G3BP2: variants seen among roughly 807,000 people sequenced by gnomAD.
G3BP2 encodes G3BP stress granule assembly factor 2.
G3BP2 carries 11 observed loss-of-function variants against 56.7 expected under a neutral mutation model. The ratio of observed to expected loss-of-function variants is 0.19; its 90% CI spans 0.12 to 0.32. G3BP2 has a LOEUF of 0.32. Among genes scored for constraint, G3BP2 ranks in the 10% least tolerant of loss-of-function variants. The pLI, the probability that G3BP2 is intolerant of heterozygous loss-of-function variation, is 1.00. For synonymous variants in G3BP2, 165 were observed against 191.6 expected (o/e 0.86, Z 1.15); for missense variants, 340 against 610.9 (o/e 0.56, Z 4.67).
At chr4:75,708,105 C>T (rs1267661257) in intron 3 of G3BP2, among the ~76,000 whole-genome samples, 1 of 152,252 alleles carries the variant, frequency 6.6e-6, no homozygotes, top group South Asian at 2.1e-4. Flanking sequence ...GGGAAGTACC[C>T]TTTTCAATTT....
intron 3 of G3BP2, among the ~76,000 whole-genome samples, chr4:75,688,527 C>G (rs566590363): frequency 6.6e-6 from 1 of 152,312 alleles, no homozygotes; most frequent in East Asian, 1.9e-4. Flanking sequence ...AATCTCATAA[C>G]CCAGTCACTC....
intron 1 of G3BP2, among the ~76,000 whole-genome samples, chr4:75,669,321 T>C (rs1169085552): frequency 6.6e-6 from 1 of 152,234 alleles, no homozygotes; most frequent in South Asian, 2.1e-4. Flanking sequence ...AAAAGTGTCA[T>C]AATCTTCTCA....
upstream of G3BP2, among the ~76,000 whole-genome samples, chr4:75,675,659 G>A (rs1733848762): frequency 6.6e-6 from 1 of 152,200 alleles, no homozygotes; most frequent in Non-Finnish European, 1.5e-5. Context: ...GGGCGTGGTG[G>A]CGCATGCCTG....
At chr4:75,704,974 T>C (rs1440408214) in intron 3 of G3BP2, among the ~76,000 whole-genome samples, 2 of 152,212 alleles carry the variant, frequency 1.3e-5, no homozygotes, top group African/African-American at 4.8e-5. Flanking sequence ...TTTAAGCCTG[T>C]TCAACCCACA....
chr4:75,657,877 C>A (rs1483105322), intron 3 of G3BP2, 147 bp from the exon 4 acceptor site: 10 of 561,470 alleles, frequency 1.8e-5, no homozygotes, highest in Middle Eastern at 4.7e-4. Flanking sequence ...CTGTGCATCA[C>A]TGCCAGAATG....
rs756532238 is a variant in G3BP2, at chr4:75,657,530, GA to G, written c.351+26del. The G allele has an allele frequency of 2.7e-5, 42 of 1,556,630 alleles. No homozygotes were observed. The East Asian group carries it at 9.2e-4, about 34-fold the overall frequency. On this transcript the variant is annotated intron_variant, in intron 4 of 11. Transcript: ENST00000359707. ...TCAACCAACTAGCAACCATATAAAT[GA>G]AAACTAAGTGAATTGAGAAACTTAC... is the stretch of plus-strand genomic sequence containing the variant.
At chr4:75,663,278 A>G (rs1014249850) in intron 1 of G3BP2, among the ~76,000 whole-genome samples, 7 of 152,134 alleles carry the variant, frequency 4.6e-5, no homozygotes, top group Non-Finnish European at 1.0e-4. Flanking sequence ...GTCTTCTGAG[A>G]CAGGGTCTCG....
chr4:75,672,166 TTTG>T (rs1295847629), intron 1 of G3BP2, among the ~76,000 whole-genome samples: 1 of 152,174 alleles, frequency 6.6e-6, no homozygotes, highest in Non-Finnish European at 1.5e-5. Flanking sequence ...GTGCCTTTTT[TTTG>T]TTGTTGTTAT....
At chr4:75,684,139 CT>C (rs1198043259) in intron 3 of G3BP2, among the ~76,000 whole-genome samples, 1 of 152,190 alleles carries the variant, frequency 6.6e-6, no homozygotes, top group Non-Finnish European at 1.5e-5. Context: ...GGTGCGGTGG[CT>C]CATGCCTGTA....
chr4:75,648,580 TCAGTCTTTTACAGC>T (rs1157369356), intron 9 of G3BP2, 45 bp downstream of exon 9: 1 of 881,386 alleles, frequency 1.1e-6, no homozygotes. Flanking sequence ...TTGTTTAAGT[TCAGTCTTTTACAGC>T]CTTACAAATG....
intron 3 of G3BP2, among the ~76,000 whole-genome samples, chr4:75,696,288 G>C (rs1266005625): frequency 1.3e-5 from 2 of 152,190 alleles, no homozygotes; most frequent in African/African-American, 2.4e-5. Flanking sequence ...TGTTTGGGCT[G>C]TGCAGTTGCT....
At chr4:75,693,265 A>G (rs1718947582) in intron 3 of G3BP2, among the ~76,000 whole-genome samples, 1 of 152,052 alleles carries the variant, frequency 6.6e-6, no homozygotes, top group Non-Finnish European at 1.5e-5. Flanking sequence ...ATAAAATAAA[A>G]CTGAGAAATT....
At chr4:75,689,596 G>A (rs1257517362) in intron 3 of G3BP2, among the ~76,000 whole-genome samples, 1 of 152,194 alleles carries the variant, frequency 6.6e-6, no homozygotes, top group Non-Finnish European at 1.5e-5. Flanking sequence ...ACTACCATTT[G>A]TTTTCAATGA....
chr4:75,699,423 A>T (rs980769264), intron 3 of G3BP2, among the ~76,000 whole-genome samples: 3 of 152,178 alleles, frequency 2.0e-5, no homozygotes, highest in Non-Finnish European at 4.4e-5. Flanking sequence ...CATTGTACAG[A>T]AGAAGAGCAG....
At chr4:75,719,616 G>C (rs527735878) in intron 3 of G3BP2, among the ~76,000 whole-genome samples, 5 of 152,074 alleles carry the variant, frequency 3.3e-5, no homozygotes, top group Admixed American at 6.6e-5. Flanking sequence ...TTGAGACGGA[G>C]TTTCGCTCTT....
chr4:75,649,010 A>T, intron 8 of G3BP2: 1 of 257,426 alleles, frequency 3.9e-6, no homozygotes, highest in Non-Finnish European at 7.4e-6. Context: ...TTAAAGTTAT[A>T]TCAACACTGA....
At chr4:75,661,731 T>C (rs1732580829) in intron 2 of G3BP2, 200 bp downstream of exon 2, 6 of 505,268 alleles carry the variant, frequency 1.2e-5, no homozygotes, top group Non-Finnish European at 1.8e-5. Context: ...TGTACCAGAA[T>C]ATGACATAAA....
intron 1 of G3BP2, among the ~76,000 whole-genome samples, chr4:75,665,220 C>T (rs1228841208): frequency 6.6e-6 from 1 of 152,122 alleles, no homozygotes; most frequent in Non-Finnish European, 1.5e-5. Flanking sequence ...TCTTCCTTTC[C>T]AACAAACTAT....
At chr4:75,695,398 G>C (rs1341758596) in intron 3 of G3BP2, among the ~76,000 whole-genome samples, 2 of 152,222 alleles carry the variant, frequency 1.3e-5, no homozygotes, top group African/African-American at 4.8e-5. Flanking sequence ...AGGTACAGGT[G>C]TCTAGGGTCT....
Sources: gnomAD v4.1 joint callset for allele counts (sites outside exome capture counted in the v4.1 genomes callset) on GRCh38, gnomAD v4.1.1 for gene constraint, MANE v1.5 for transcripts, NCBI Gene and HGNC (gene_info 2026-07-23, HGNC 2026-07-21) for gene names.